Variants in SYNE1 observed in about 807,000 individuals in gnomAD.
The protein encoded by SYNE1 is nesprin-1.
SYNE1 carries 616 observed loss-of-function variants against 1,111.0 expected under a neutral mutation model. The ratio of observed to expected loss-of-function variants is 0.55; its 90% CI spans 0.52 to 0.59. The LOEUF (loss-of-function observed/expected upper bound fraction) is 0.59, where lower values mean the gene tolerates loss of function less well. Among genes scored for constraint, SYNE1 ranks in the 20% least tolerant of loss-of-function variants. The pLI is 0.00. For missense variants in SYNE1, 10,006 were observed against 10,417.0 expected, an observed-to-expected ratio of 0.96 and a Z score of 1.72; for synonymous variants, 3,855 against 3,825.8, an observed-to-expected ratio of 1.01 and a Z score of -0.28.
chr6:152,207,481 A>C (rs1469273010), intron 125 of SYNE1, among the ~76,000 whole-genome samples: 2 of 152,180 alleles, frequency 1.3e-5, no homozygotes, highest in Non-Finnish European at 1.5e-5. Flanking sequence ...TTAAGGGAAG[A>C]GGAACTCATT....
chr6:152,284,157 T>G lies in SYNE1; in HGVS notation c.18028A>C (p.Ile6010Leu). The G allele has an allele frequency of 2.5e-6, 4 of 1,614,166 alleles. No homozygotes were observed. The highest frequency in any genetic ancestry group is 3.4e-6 in the Non-Finnish European group (4 of 1,180,030). The change falls in exon 96 of 146, where the codon ATT becomes CTT. Residue 6010 changes from isoleucine (I) to leucine (L), a missense_variant. Coordinates refer to ENST00000367255, the MANE Select transcript of SYNE1 (RefSeq NM_182961.4). ...TTGATTTCATCCTGGAGCATGAGAA[T>G]CTCATCCATCAATGCCTGGAGGAAA... is the stretch of plus-strand genomic sequence containing the variant. ...MAEHQALMDE[I>L]LMLQDEINEL...
At chr6:152,156,224 A>C in intron 131 of SYNE1, 127 bp from the exon 132 acceptor site, 5 of 986,806 alleles carry the variant, frequency 5.1e-6, no homozygotes, top group Non-Finnish European at 7.8e-6. Flanking sequence ...TGAATGTATG[A>C]CATTTATTGA....
At chr6:152,614,756 G>A (rs560537728) in intron 3 of SYNE1, among the ~76,000 whole-genome samples, 2 of 152,266 alleles carry the variant, frequency 1.3e-5, no homozygotes, top group African/African-American at 2.4e-5. Flanking sequence ...ATGATAGACC[G>A]AATTAAGAAA....
At chr6:152,574,223 G>A (rs554888560) in intron 3 of SYNE1, among the ~76,000 whole-genome samples, 352 of 139,056 alleles carry the variant, frequency 2.5e-3, no homozygotes, top group African/African-American at 9.2e-3. Context: ...TATATATATG[G>A]CAGATATAAC....
At chr6:152,181,421 T>C (rs2763013) in intron 128 of SYNE1, among the ~76,000 whole-genome samples, 12,838 of 151,980 alleles carry the variant, frequency 0.084, 1,240 homozygotes, top group African/African-American at 0.24. Context: ...CAAACAACAA[T>C]GACCACCACC....
intron 55 of SYNE1, among the ~76,000 whole-genome samples, chr6:152,384,583 A>C (rs1004302583): frequency 6.6e-6 from 1 of 152,232 alleles, no homozygotes; most frequent in Non-Finnish European, 1.5e-5. Flanking sequence ...ACTTAGAAGC[A>C]GATCTTCAGG....
chr6:152,271,593 T>C (rs958333688), intron 98 of SYNE1, among the ~76,000 whole-genome samples: 35 of 152,230 alleles, frequency 2.3e-4, no homozygotes, highest in Non-Finnish European at 1.5e-4. Context: ...TTTGGGTGGA[T>C]GGGCATTCTC....
At chr6:152,278,564 G>A (rs1464739832) in intron 97 of SYNE1, among the ~76,000 whole-genome samples, 2 of 151,994 alleles carry the variant, frequency 1.3e-5, no homozygotes, top group East Asian at 1.9e-4. Context: ...CCAGGTTCAC[G>A]CCATTCTCCT....
At chr6:152,619,835 A>C (rs1355011787) in intron 3 of SYNE1, among the ~76,000 whole-genome samples, 3 of 152,096 alleles carry the variant, frequency 2.0e-5, no homozygotes, top group Admixed American at 1.3e-4. Flanking sequence ...AGGCTGATTG[A>C]GGGAGGGCCT....
intron 56 of SYNE1, among the ~76,000 whole-genome samples, chr6:152,379,241 G>A (rs1255275741): frequency 6.6e-6 from 1 of 152,098 alleles, no homozygotes; most frequent in Non-Finnish European, 1.5e-5. Flanking sequence ...ATCAGCTTAT[G>A]TATTTCTGAT....
Position 152,340,825 on chromosome 6 carries a change from G to A in SYNE1, c.12226-1459C>T, listed in dbSNP as rs116882244. Among the ~76,000 whole-genome samples the A allele has an allele frequency of 1.5e-3, 230 of 152,296 alleles. 1 individual carries two copies. Among genetic ancestry groups the A allele is most frequent in the Admixed American group, 4.2e-3 (65 of 15,304 alleles). ...TGGAGAACGGCTTGCCACAGGGGTG[G>A]CAGGCAGCTATGGTGTCCAGGTGTT... On this transcript the variant is annotated intron_variant, in intron 74 of 145. Transcript: ENST00000367255.
At chr6:152,338,690 G>A (rs1270694410) in intron 75 of SYNE1, among the ~76,000 whole-genome samples, 2 of 152,152 alleles carry the variant, frequency 1.3e-5, no homozygotes, top group Non-Finnish European at 2.9e-5. Flanking sequence ...AGGCTGCAGT[G>A]GCAGCAGCCG....
At chr6:152,358,648 G>T in intron 65 of SYNE1, 111 bp from the exon 66 acceptor site, 1 of 1,006,702 alleles carries the variant, frequency 9.9e-7, no homozygotes, top group Non-Finnish European at 1.5e-6. Flanking sequence ...TGAGACATTA[G>T]AATATGAGTT....
intron 98 of SYNE1, among the ~76,000 whole-genome samples, chr6:152,276,463 T>C (rs1421684418): frequency 6.6e-6 from 1 of 152,150 alleles, no homozygotes; most frequent in African/African-American, 2.4e-5. Context: ...TTTAGTTGAT[T>C]AAGTTTGGTT....
At chr6:152,301,626 C>T (rs1224293274) in intron 92 of SYNE1, among the ~76,000 whole-genome samples, 1 of 152,198 alleles carries the variant, frequency 6.6e-6, no homozygotes, top group Non-Finnish European at 1.5e-5. Context: ...ACAGGGTAGA[C>T]CTCTGACATG....
intron 73 of SYNE1, among the ~76,000 whole-genome samples, chr6:152,345,564 C>G (rs1227995481): frequency 8.2e-6 from 1 of 122,564 alleles, no homozygotes; most frequent in African/African-American, 2.8e-5. Flanking sequence ...TTTTTGTTAA[C>G]CTTTGAAGGT....
chr6:152,353,849 GT>G, intron 67 of SYNE1, 105 bp from the exon 68 acceptor site: 1 of 1,435,320 alleles, frequency 7.0e-7, no homozygotes, highest in Non-Finnish European at 9.7e-7. Flanking sequence ...TTTAGAAGAT[GT>G]TTATTTTGAG....
At chr6:152,362,436 G>C in intron 63 of SYNE1, 113 bp from the exon 64 acceptor site, 1 of 1,461,620 alleles carries the variant, frequency 6.8e-7, no homozygotes, top group Non-Finnish European at 9.4e-7. Context: ...AGATCAGGAA[G>C]AAGCTTGCTT....
chr6:152,541,761 AAAAAG>A lies in SYNE1; in HGVS notation c.68-1745_68-1741del, dbSNP rs1260082141. On this transcript the variant is annotated intron_variant, in intron 3 of 145. Coordinates refer to ENST00000367255, the MANE Select transcript of SYNE1 (RefSeq NM_182961.4). ...AGACTCCATCTCAAAAAAAAAAAAA[AAAAAG>A]AAAAGAAATGCCACAGAATTTTGTA... 1.1e-4 allele frequency among the ~76,000 whole-genome samples: 10 copies of A among 92,148 alleles called. 2 individuals carry two copies. Among genetic ancestry groups the A allele is most frequent in the East Asian group, 3.8e-4 (1 of 2,652 alleles). 60.5% of individuals were successfully genotyped at this position (92,148 alleles called of 152,430 possible).
Sources: gnomAD v4.1 joint callset for allele counts (sites outside exome capture counted in the v4.1 genomes callset) on GRCh38, gnomAD v4.1.1 for gene constraint, MANE v1.5 for transcripts, NCBI Gene and HGNC (gene_info 2026-07-23, HGNC 2026-07-21) for gene names.